The following INSYN2B variants were observed in gnomAD, a reference collection of about 807,000 sequenced individuals.
INSYN2B encodes inhibitory synaptic factor family member 2B.
INSYN2B carries 16 observed loss-of-function variants against 41.2 expected under a neutral mutation model. That is an observed-to-expected ratio of 0.39 (90% CI 0.26 to 0.59). The LOEUF is 0.59. INSYN2B is among the 20% of genes least tolerant of loss of function. The pLI, the probability that INSYN2B is intolerant of heterozygous loss-of-function variation, is 0.57. For synonymous variants in INSYN2B, 245 were observed against 244.4 expected, an observed-to-expected ratio of 1.00 and a Z score of -0.02; for missense variants, 608 against 646.4, an observed-to-expected ratio of 0.94 and a Z score of 0.64.
chr5:169,943,170 G>A (rs933405169), intron 1 of INSYN2B, among the ~76,000 whole-genome samples: 2 of 152,152 alleles, frequency 1.3e-5, no homozygotes, highest in East Asian at 1.9e-4. Flanking sequence ...TAAAGTACCC[G>A]TGTGAAGTTG....
At chr5:169,894,171 A>G (rs534350109) in intron 1 of INSYN2B, among the ~76,000 whole-genome samples, 23 of 152,320 alleles carry the variant, frequency 1.5e-4, no homozygotes, top group African/African-American at 4.6e-4. Context: ...AGTTTTGCCA[A>G]GACTAGGCAT....
intron 1 of INSYN2B, among the ~76,000 whole-genome samples, chr5:169,928,711 C>T (rs1185880173): frequency 2.0e-5 from 3 of 152,168 alleles, no homozygotes; most frequent in African/African-American, 4.8e-5. Flanking sequence ...TATGATTTCT[C>T]AACAAGTTAT....
At chr5:169,875,228 A>T (rs1299980770) in intron 3 of INSYN2B, 2 of 456,620 alleles carry the variant, frequency 4.4e-6, no homozygotes, top group Non-Finnish European at 8.8e-6. Context: ...ATTCCCAGGG[A>T]GCTTGCTGCA....
At chr5:169,975,483 C>A (rs186872361) in intron 1 of INSYN2B, among the ~76,000 whole-genome samples, 2 of 152,146 alleles carry the variant, frequency 1.3e-5, no homozygotes, top group Non-Finnish European at 2.9e-5. Flanking sequence ...ATATACGGAG[C>A]CTTCCCTCAG....
In INSYN2B at chr5:169,884,184, A is replaced by T. The variant is rs1772836813; in HGVS notation, c.-286T>A. 3.8e-6 allele frequency: 1 copy of T among 260,308 alleles called. No individual in the cohort carries two copies. Among genetic ancestry groups the T allele is most frequent in the South Asian group, 1.6e-4 (1 of 6,360 alleles). 16.1% of individuals were successfully genotyped at this position (260,308 alleles called of 1,614,324 possible). A position where few individuals can be genotyped will look rare whatever the true frequency, so the allele number is the denominator to read the frequency against. On this transcript the variant is annotated 5_prime_UTR_variant, in exon 2 of 4. Transcript: ENST00000377365. ...AGTTAGGCTAACTATTAAACATCTG[A>T]TCTACCAAGAGAGCTGGTAGGCGGT...
At chr5:169,865,069 A>T (rs776002949) in intron 3 of INSYN2B, among the ~76,000 whole-genome samples, 13 of 152,160 alleles carry the variant, frequency 8.5e-5, no homozygotes, top group Non-Finnish European at 1.9e-4. Context: ...TTGCATCTCA[A>T]CTTCAAGATA....
intron 1 of INSYN2B, among the ~76,000 whole-genome samples, chr5:169,904,091 C>CA (rs57983281): frequency 0.02 from 1,419 of 69,856 alleles, 50 homozygotes; most frequent in South Asian, 0.046. Context: ...GACTTCGTCT[C>CA]AAAAAAAAAA....
intron 1 of INSYN2B, among the ~76,000 whole-genome samples, chr5:169,921,749 T>A (rs909562161): frequency 6.6e-6 from 1 of 152,206 alleles, no homozygotes; most frequent in African/African-American, 2.4e-5. Context: ...TTCTTGAGGA[T>A]TAGGGCCCAC....
At chr5:169,882,127 A>G (rs1772690027) in intron 2 of INSYN2B, among the ~76,000 whole-genome samples, 1 of 152,220 alleles carries the variant, frequency 6.6e-6, no homozygotes, top group South Asian at 2.1e-4. Context: ...CTGAGTGGCC[A>G]TCTCAAGTCC....
In INSYN2B at chr5:169,935,354, C is replaced by T. The variant is rs1775938400; in HGVS notation, c.-919+44923G>A. On this transcript the variant is annotated intron_variant, in intron 1 of 3. Transcript: ENST00000377365. ...AGGGAAACTGAATCTCACTTGCGCC[C>T]TTCTGCTCCCATGGAACCATCGCAG... Among the ~76,000 whole-genome samples, 3 of 152,020 alleles carry T rather than the reference C, an allele frequency of 2.0e-5. No homozygotes were observed. In the South Asian group the frequency reaches 6.2e-4, roughly 32 times the overall value.
At chr5:169,958,514 A>T (rs1315600426) in intron 1 of INSYN2B, among the ~76,000 whole-genome samples, 1 of 152,078 alleles carries the variant, frequency 6.6e-6, no homozygotes, top group African/African-American at 2.4e-5. Context: ...AGCTGTTACC[A>T]TTAGCCCAGC....
intron 3 of INSYN2B, among the ~76,000 whole-genome samples, chr5:169,869,314 T>C (rs948059665): frequency 1.4e-4 from 21 of 152,188 alleles, no homozygotes; most frequent in African/African-American, 5.1e-4. Flanking sequence ...CACTCCCCTC[T>C]TGTGACTGCC....
At chr5:169,891,210 C>T (rs1031884789) in intron 1 of INSYN2B, among the ~76,000 whole-genome samples, 6 of 152,176 alleles carry the variant, frequency 3.9e-5, no homozygotes, top group African/African-American at 1.4e-4. Context: ...TTCCCCAGAT[C>T]CTTCCAAGCC....
chr5:169,875,179 T>G, intron 3 of INSYN2B: 1 of 454,232 alleles, frequency 2.2e-6, no homozygotes, highest in Non-Finnish European at 4.4e-6. Context: ...ACCCTGATTT[T>G]TTACCTAAAA....
chr5:169,902,270 G>C (rs261053), intron 1 of INSYN2B, among the ~76,000 whole-genome samples: 107,271 of 152,142 alleles, frequency 0.71, 39,085 homozygotes, highest in African/African-American at 0.89. Context: ...GAGGCACAAT[G>C]ATAACCAGCA....
chr5:169,968,785 T>C (rs1777392493), intron 1 of INSYN2B, among the ~76,000 whole-genome samples: 1 of 152,152 alleles, frequency 6.6e-6, no homozygotes, highest in Non-Finnish European at 1.5e-5. Flanking sequence ...GAGGAAGAAT[T>C]GAGTGTGGTT....
chr5:169,980,219 G>T (rs575541364), intron 1 of INSYN2B, 58 bp downstream of exon 1: 1 of 152,008 alleles, frequency 6.6e-6, no homozygotes, highest in African/African-American at 2.4e-5. Context: ...AGAGACGATC[G>T]CATTTTCTCT....
intron 1 of INSYN2B, among the ~76,000 whole-genome samples, chr5:169,896,971 A>G (rs924378139): frequency 6.6e-6 from 1 of 152,260 alleles, no homozygotes; most frequent in African/African-American, 2.4e-5. Flanking sequence ...GAAAGGGAAT[A>G]TAGTAAGACA....
rs535908345 is a variant in INSYN2B at position 169,862,784 on chromosome 5, C to T, written c.*1489G>A. 5.3e-5 allele frequency among the ~76,000 whole-genome samples: 8 copies of T among 152,276 alleles called. No individual in the cohort carries two copies. The highest frequency in any genetic ancestry group is 3.4e-3 in the Middle Eastern group (1 of 294). ...TCACTATGACAGGGGAAGGTGAAAC[C>T]ATCGGAGTGGTTTGCTCAATTAGGC... On this transcript the variant is annotated 3_prime_UTR_variant, in exon 4 of 4. Transcript: ENST00000377365.
Sources: allele counts gnomAD v4.1 joint callset (sites outside exome capture counted in the v4.1 genomes callset), GRCh38; gene constraint gnomAD v4.1.1; transcripts MANE v1.5; gene names NCBI Gene and HGNC (gene_info 2026-07-23, HGNC 2026-07-21).